Variants in ABCC2 observed in about 807,000 individuals in gnomAD.
The protein encoded by ABCC2 is ATP-binding cassette sub-family C member 2.
A neutral mutation model predicts 173.4 loss-of-function variants in ABCC2; 157 were observed. The ratio of observed to expected loss-of-function variants is 0.91; its 90% CI spans 0.80 to 1.03. ABCC2 has a LOEUF of 1.03. ABCC2 is among the 50% of genes least tolerant of loss of function. The pLI, the probability that ABCC2 is intolerant of heterozygous loss-of-function variation, is 0.00. For synonymous variants in ABCC2, 657 were observed against 693.5 expected (o/e 0.95, Z 0.83); for missense variants, 1,822 against 1,852.3 (o/e 0.98, Z 0.30).
chr10:99,794,668 G>T (rs201378280), intron 6 of ABCC2, 200 bp downstream of exon 6: 1 of 533,418 alleles, frequency 1.9e-6, no homozygotes, highest in South Asian at 2.1e-5. Context: ...CCTCAGCCTC[G>T]CAAGTAGCTG....
intron 30 of ABCC2, 150 bp downstream of exon 30, chr10:99,847,277 A>G (rs2039032212): frequency 2.0e-6 from 2 of 983,404 alleles, no homozygotes; most frequent in East Asian, 5.2e-5. Flanking sequence ...TAAAGTTCAC[A>G]AGATAAAATA....
intron 30 of ABCC2, among the ~76,000 whole-genome samples, chr10:99,849,015 G>C (rs1249485716): frequency 6.6e-6 from 1 of 152,116 alleles, no homozygotes; most frequent in African/African-American, 2.4e-5. Context: ...ACCTGAGGTC[G>C]GGAGCTCGAG....
At chr10:99,843,972 G>C (rs1189881342) in intron 27 of ABCC2, 72 bp downstream of exon 27, 1 of 1,272,800 alleles carries the variant, frequency 7.9e-7, no homozygotes, top group Non-Finnish European at 1.2e-6. Context: ...TGCATCTTTA[G>C]AATTTCTCCA....
At chr10:99,793,846 C>G in intron 4 of ABCC2, 46 bp from the exon 5 acceptor site, 2 of 1,585,194 alleles carry the variant, frequency 1.3e-6, no homozygotes, top group Non-Finnish European at 1.7e-6. Context: ...TGTAGACTTC[C>G]TTTGGACAAA....
In ABCC2 at chr10:99,813,024, C is replaced by T. The variant is rs1423631136; in HGVS notation, c.1974C>T (p.Asn658=). 1 of 1,613,788 alleles carries T rather than the reference C, an allele frequency of 6.2e-7. No individual in the cohort carries two copies. Among genetic ancestry groups the T allele is most frequent in the African/African-American group, 1.3e-5 (1 of 74,914 alleles). The change falls in exon 16 of 32, where the codon AAC becomes AAT. Residue 658 remains asparagine (N), a synonymous_variant. Transcript: ENST00000647814. Reference sequence around the variant, plus strand: ...AGACATTCCTGTCTTTCAGTGTGAACCTGGACATTATGGCAGGCCAACTTG... The same window carrying T: ...AGACATTCCTGTCTTTCAGTGTGAATCTGGACATTATGGCAGGCCAACTTG... ...HDSEATVRDV[N]LDIMAGQLVA... is the part of the protein sequence containing the mutation.
intron 25 of ABCC2, 132 bp downstream of exon 25, chr10:99,836,422 A>G (rs547380641): frequency 1.5e-4 from 143 of 961,504 alleles, no homozygotes; most frequent in Non-Finnish European, 2.2e-4. Context: ...ATGCTATGTA[A>G]GTGGAGAGAA....
At chr10:99,849,825 T>TAATGGCAAC (rs753854290) in intron 30 of ABCC2, among the ~76,000 whole-genome samples, 12 of 152,254 alleles carry the variant, frequency 7.9e-5, no homozygotes, top group Non-Finnish European at 1.3e-4. Flanking sequence ...ATATGTTCCC[T>TAATGGCAAC]AATGGCCACA....
At chr10:99,821,856 C>T (rs951944887) in intron 19 of ABCC2, among the ~76,000 whole-genome samples, 8 of 151,972 alleles carry the variant, frequency 5.3e-5, no homozygotes, top group Non-Finnish European at 1.0e-4. Context: ...TCTCGATGGT[C>T]GCTGTCTCTT....
Position 99,830,616 on chromosome 10 carries a change from C to T in ABCC2, c.2748-100C>T, listed in dbSNP as rs2038721921. 3.1e-6 allele frequency: 5 copies of T among 1,590,148 alleles called. No homozygotes were observed. In the African/African-American group the frequency reaches 4.0e-5, roughly 13 times the overall value. ...GTGTCAGTTTCCCCTGGTCATCTGC[C>T]CTGAAATGCGCTTTGATGCCAGCTG... On this transcript the variant is annotated intron_variant, in intron 20 of 31. Coordinates refer to ENST00000647814, the MANE Select transcript of ABCC2 (RefSeq NM_000392.5).
At chr10:99,816,348 A>G (rs190060505) in intron 16 of ABCC2, among the ~76,000 whole-genome samples, 2 of 150,252 alleles carry the variant, frequency 1.3e-5, no homozygotes, top group East Asian at 2.0e-4. Flanking sequence ...CAGTGGCCCA[A>G]TCTCAGCTCA....
chr10:99,849,404 G>A (rs2039059744), intron 30 of ABCC2, among the ~76,000 whole-genome samples: 1 of 152,180 alleles, frequency 6.6e-6, no homozygotes, highest in Non-Finnish European at 1.5e-5. Flanking sequence ...GGGTACAATG[G>A]GAGGCCTTGA....
chr10:99,823,596 A>T (rs1396122932), intron 19 of ABCC2, among the ~76,000 whole-genome samples: 16 of 147,802 alleles, frequency 1.1e-4, no homozygotes, highest in Non-Finnish European at 2.2e-4. Context: ...TGGAGTTTTG[A>T]TTACTCGTTC....
chr10:99,782,866 T>C lies in ABCC2; in HGVS notation c.22T>C (p.Ser8Pro). 1 of 1,614,122 alleles carries C rather than the reference T, an allele frequency of 6.2e-7. No homozygotes were observed. The highest frequency in any genetic ancestry group is 8.5e-7 in the Non-Finnish European group (1 of 1,180,014). Reference protein sequence around the residue: MLEKFCNSTFWNSSFLDS... With the variant: MLEKFCNPTFWNSSFLDS... The stretch of plus-strand genomic sequence containing the variant: ...AATCATGCTGGAGAAGTTCTGCAAC[T>C]CTACTTTTTGGGTGAGAAATTACAT... The change falls in exon 1 of 32, where the codon TCT (serine) becomes CCT (proline). Residue 8 changes from serine to proline, a missense_variant. Transcript: ENST00000647814.
chr10:99,811,532 A>G lies in ABCC2; in HGVS notation c.1901-4A>G. 6.2e-7 allele frequency: 1 copy of G among 1,614,088 alleles called. No homozygotes were observed. Among genetic ancestry groups the G allele is most frequent in the Non-Finnish European group, 8.5e-7 (1 of 1,179,972 alleles). On this transcript the variant is annotated splice_polypyrimidine_tract_variant and splice_region_variant and intron_variant, in intron 14 of 31. Coordinates refer to ENST00000647814, the MANE Select transcript of ABCC2 (RefSeq NM_000392.5). ...TGGACTAAAAGAGGGCTTTTTCTCA[A>G]CAGACAAAGCCATGCAGTTTTCTGA...
intron 23 of ABCC2, among the ~76,000 whole-genome samples, chr10:99,833,721 C>G (rs1388292935): frequency 6.6e-6 from 1 of 152,184 alleles, no homozygotes; most frequent in Non-Finnish European, 1.5e-5. Context: ...AGACCATTAT[C>G]CCTGATACAG....
In ABCC2 at chr10:99,821,207, G is replaced by A. The variant is rs556631144; in HGVS notation, c.2620+1938G>A. On this transcript the variant is annotated intron_variant, in intron 19 of 31. Coordinates refer to ENST00000647814, the MANE Select transcript of ABCC2 (RefSeq NM_000392.5). ...TACAAAGCAGTATTGCTGCCTGCTT[G>A]TCCCACCTCCAGCCCTAAGGCGGTT... Among the ~76,000 whole-genome samples the A allele has an allele frequency of 6.2e-4, 95 of 152,370 alleles. 1 individual carries two copies. Among genetic ancestry groups the A allele is most frequent in the South Asian group, 5.6e-3 (27 of 4,826 alleles).
chr10:99,837,092 G>A (rs1253239301), intron 25 of ABCC2, among the ~76,000 whole-genome samples: 1 of 150,538 alleles, frequency 6.6e-6, no homozygotes, highest in African/African-American at 2.4e-5. Flanking sequence ...ACACATGCTG[G>A]AATTATTGGT....
Position 99,794,405 on chromosome 10 carries a change from T to C in ABCC2, c.577-8T>C. On this transcript the variant is annotated splice_polypyrimidine_tract_variant and splice_region_variant and intron_variant, in intron 5 of 31. Coordinates refer to ENST00000647814, the MANE Select transcript of ABCC2 (RefSeq NM_000392.5). ...TGGTTTACATTTCGATTTTTTTGTG[T>C]CTTTCAGAATCCATCATCCATAGCT... The C allele has an allele frequency of 6.2e-7, 1 of 1,613,564 alleles. No homozygotes were observed. Among genetic ancestry groups the C allele is most frequent in the Non-Finnish European group, 8.5e-7 (1 of 1,179,526 alleles).
At chr10:99,839,191 A>C (rs1182756620) in intron 25 of ABCC2, among the ~76,000 whole-genome samples, 8 of 46,456 alleles carry the variant, frequency 1.7e-4, no homozygotes, top group Admixed American at 5.4e-4. Flanking sequence ...CGGGGGGCCA[A>C]CCCCCCCACC....
Sources: gnomAD v4.1 joint callset for allele counts (sites outside exome capture counted in the v4.1 genomes callset) on GRCh38, gnomAD v4.1.1 for gene constraint, MANE v1.5 for transcripts, NCBI Gene and HGNC (gene_info 2026-07-23, HGNC 2026-07-21) for gene names.